Variants in TTC28 observed in about 807,000 individuals in gnomAD.
TTC28 encodes the protein tetratricopeptide repeat domain 28, also known as tetratricopeptide repeat protein 28.
Under a neutral mutation model 198.0 loss-of-function variants are expected in TTC28, and 61 were observed. That is an observed-to-expected ratio of 0.31 (90% CI 0.25 to 0.38). The LOEUF (loss-of-function observed/expected upper bound fraction) is 0.38, where lower values mean the gene tolerates loss of function less well. Among genes scored for constraint, TTC28 ranks in the 10% least tolerant of loss-of-function variants. The pLI is 1.00. For synonymous variants in TTC28, 1,171 were observed against 1,297.8 expected, an observed-to-expected ratio of 0.90 and a Z score of 2.10; for missense variants, 2,678 against 3,164.0, an observed-to-expected ratio of 0.85 and a Z score of 3.69.
intron 5 of TTC28, among the ~76,000 whole-genome samples, chr22:28,275,378 C>A (rs1014795650): frequency 6.6e-6 from 1 of 152,112 alleles, no homozygotes; most frequent in African/African-American, 2.4e-5. Flanking sequence ...GTTAATAAAA[C>A]AATCTTAATA....
intron 2 of TTC28, among the ~76,000 whole-genome samples, chr22:28,553,203 C>T (rs1361687088): frequency 6.6e-6 from 1 of 151,890 alleles, no homozygotes. Flanking sequence ...TCTGCCCGGC[C>T]GCCACCCCGT....
intron 2 of TTC28, among the ~76,000 whole-genome samples, chr22:28,481,634 T>A (rs1234532923): frequency 6.6e-6 from 1 of 152,204 alleles, no homozygotes; most frequent in African/African-American, 2.4e-5. Context: ...TAGATGAGAA[T>A]TAGAAATTTG....
At chr22:28,347,610 G>A (rs1424400505) in intron 2 of TTC28, among the ~76,000 whole-genome samples, 3 of 152,148 alleles carry the variant, frequency 2.0e-5, no homozygotes, top group South Asian at 2.1e-4. Context: ...AGTGGCTCAT[G>A]CCTGTAATCC....
intron 2 of TTC28, among the ~76,000 whole-genome samples, chr22:28,386,069 G>T (rs695627): frequency 0.011 from 1,638 of 151,554 alleles, 34 homozygotes; most frequent in East Asian, 0.084. Context: ...GAGGTCAGGA[G>T]ATCGAGACCA....
chr22:28,622,206 G>A (rs2051011268), intron 2 of TTC28, among the ~76,000 whole-genome samples: 1 of 152,138 alleles, frequency 6.6e-6, no homozygotes. Flanking sequence ...TGAGGAACTA[G>A]AACACTGAAG....
At chr22:28,184,460 T>C (rs1056978093) in intron 5 of TTC28, among the ~76,000 whole-genome samples, 1 of 152,196 alleles carries the variant, frequency 6.6e-6, no homozygotes, top group Non-Finnish European at 1.5e-5. Context: ...TAAATATTCC[T>C]TTTGGAAATC....
chr22:28,364,405 G>A (rs1245675244), intron 2 of TTC28, among the ~76,000 whole-genome samples: 3 of 152,066 alleles, frequency 2.0e-5, no homozygotes, highest in Non-Finnish European at 4.4e-5. Context: ...CCAGTCTCAG[G>A]TATATCTTTA....
chr22:28,172,804 T>C (rs970134838), intron 5 of TTC28, among the ~76,000 whole-genome samples: 8 of 152,214 alleles, frequency 5.3e-5, no homozygotes, highest in Non-Finnish European at 1.0e-4. Flanking sequence ...CAGCTTGCTA[T>C]ATACTATAAG....
intron 1 of TTC28, among the ~76,000 whole-genome samples, chr22:28,651,673 A>G (rs1054474242): frequency 2.0e-5 from 3 of 152,088 alleles, no homozygotes; most frequent in African/African-American, 7.2e-5. Flanking sequence ...CAGCCTCCCA[A>G]AGTGCTGGGA....
intron 5 of TTC28, among the ~76,000 whole-genome samples, chr22:28,242,203 A>G (rs1929705332): frequency 6.6e-6 from 1 of 152,190 alleles, no homozygotes; most frequent in Admixed American, 6.5e-5. Flanking sequence ...TCTACTCTCC[A>G]GCATTCCCCG....
intron 5 of TTC28, among the ~76,000 whole-genome samples, chr22:28,164,127 A>C (rs1230305293): frequency 6.6e-6 from 1 of 152,202 alleles, no homozygotes; most frequent in Non-Finnish European, 1.5e-5. Context: ...AGGCTTGAGT[A>C]GGTAAACAAA....
intron 2 of TTC28, among the ~76,000 whole-genome samples, chr22:28,365,705 T>G (rs565731557): frequency 1.8e-4 from 27 of 152,366 alleles, no homozygotes; most frequent in African/African-American, 6.0e-4. Context: ...TATTAACACA[T>G]GTACACATGC....
chr22:28,174,044 C>T (rs1428087655), intron 5 of TTC28, among the ~76,000 whole-genome samples: 1 of 152,174 alleles, frequency 6.6e-6, no homozygotes, highest in Non-Finnish European at 1.5e-5. Flanking sequence ...CATGTATTCT[C>T]TGCCAGTTCA....
intron 5 of TTC28, among the ~76,000 whole-genome samples, chr22:28,249,493 G>A (rs1406625152): frequency 6.6e-6 from 1 of 152,112 alleles, no homozygotes; most frequent in Non-Finnish European, 1.5e-5. Flanking sequence ...TAGTACATGA[G>A]GACATTCTCC....
intron 5 of TTC28, among the ~76,000 whole-genome samples, chr22:28,294,532 T>TAGG (rs2044851964): frequency 6.6e-6 from 1 of 151,846 alleles, no homozygotes; most frequent in African/African-American, 2.4e-5. Context: ...CCTTGAAGGT[T>TAGG]AGGAAAAAAG....
rs538684670 is a variant in TTC28, at chr22:28,312,937, A to G, written c.382-6294T>C. ...TGAATACAGGAGCTAGTTTTTTAAA[A>G]AGATCAACAAAATAGATAGACCACT... On this transcript the variant is annotated intron_variant, in intron 2 of 22. Coordinates refer to ENST00000397906, the MANE Select transcript of TTC28 (RefSeq NM_001145418.2). 7.9e-5 allele frequency among the ~76,000 whole-genome samples: 12 copies of G among 152,282 alleles called. No individual in the cohort carries two copies. The East Asian group carries it at 2.1e-3, about 27-fold the overall frequency.
At chr22:28,377,188 T>A in intron 2 of TTC28, among the ~76,000 whole-genome samples, 1 of 130,882 alleles carries the variant, frequency 7.6e-6, no homozygotes, top group African/African-American at 2.9e-5. Context: ...TAGGACATAA[T>A]ATATTGTAAA....
Position 27,996,164 on chromosome 22 carries a change from G to A in TTC28, c.5215C>T (p.Arg1739Trp), listed in dbSNP as rs370957544. Residue 1739 changes from arginine to tryptophan, a missense_variant, in exon 17 of 23, where the codon CGG becomes TGG. By Grantham distance (101) the Arg-to-Trp change is moderately radical (BLOSUM62 -3). Transcript: ENST00000397906. Reference protein sequence around the residue: ...TEILQHPERARDALRVLLHLV... With the variant: ...TEILQHPERAWDALRVLLHLV... The stretch of plus-strand genomic sequence containing the variant: ...TGCAGCAGCACTCGCAGGGCGTCCC[G>A]CGCACGCTCCGGGTGCTGCAGGATC... 57 of 1,550,720 alleles carry A rather than the reference G, an allele frequency of 3.7e-5. No individual in the cohort carries two copies. In the African/African-American group the frequency reaches 4.1e-4, roughly 11 times the overall value.
intron 2 of TTC28, among the ~76,000 whole-genome samples, chr22:28,574,090 G>A (rs1172930633): frequency 6.6e-6 from 1 of 152,106 alleles, no homozygotes; most frequent in Non-Finnish European, 1.5e-5. Flanking sequence ...ATAGCTTACT[G>A]CAGCCTCAAC....
Sources: gnomAD v4.1 joint callset for allele counts (sites outside exome capture counted in the v4.1 genomes callset) on GRCh38, gnomAD v4.1.1 for gene constraint, MANE v1.5 for transcripts, NCBI Gene and HGNC (gene_info 2026-07-23, HGNC 2026-07-21) for gene names.